The following ELAPOR2 variants were observed in gnomAD, a reference collection of about 807,000 sequenced individuals.
ELAPOR2 encodes the protein endosome-lysosome associated apoptosis and autophagy regulator family member 2.
In ELAPOR2, 89 loss-of-function variants were observed where a neutral mutation model predicts 120.7. That is an observed-to-expected ratio of 0.74 (90% CI 0.62 to 0.88). ELAPOR2 has a LOEUF of 0.88. ELAPOR2 is among the 40% of genes least tolerant of loss of function. The probability of loss-of-function intolerance (pLI) is 0.00; values close to 1 mark genes in which losing one functional copy is unlikely to be tolerated. For synonymous variants in ELAPOR2, 444 were observed against 444.9 expected, an observed-to-expected ratio of 1.00 and a Z score of 0.03; for missense variants, 1,134 against 1,251.6, an observed-to-expected ratio of 0.91 and a Z score of 1.42.
chr7:86,999,971 A>C (rs1181155574), intron 1 of ELAPOR2, among the ~76,000 whole-genome samples: 1 of 152,268 alleles, frequency 6.6e-6, no homozygotes, highest in Non-Finnish European at 1.5e-5. Context: ...AAACAGTGCC[A>C]TATGGAGCCC....
intron 8 of ELAPOR2, among the ~76,000 whole-genome samples, chr7:86,929,088 T>C (rs1263738846): frequency 6.6e-6 from 1 of 151,866 alleles, no homozygotes; most frequent in Non-Finnish European, 1.5e-5. Flanking sequence ...CAGTTTATTA[T>C]TAAGATTACA....
At chr7:86,992,236 C>T (rs59739567) in intron 1 of ELAPOR2, among the ~76,000 whole-genome samples, 2,721 of 152,126 alleles carry the variant, frequency 0.018, 80 homozygotes, top group African/African-American at 0.063. Flanking sequence ...GACACCCAAC[C>T]CCCAACCTGG....
chr7:87,042,132 A>G (rs1376959109), intron 1 of ELAPOR2, among the ~76,000 whole-genome samples: 1 of 149,920 alleles, frequency 6.7e-6, no homozygotes, highest in East Asian at 1.9e-4. Flanking sequence ...TGACCTACAA[A>G]GAGACTTAGA....
chr7:86,964,685 A>T (rs1791839554), intron 2 of ELAPOR2, among the ~76,000 whole-genome samples: 1 of 152,212 alleles, frequency 6.6e-6, no homozygotes, highest in Non-Finnish European at 1.5e-5. Context: ...GATTTTAAAA[A>T]AAAATAATAA....
chr7:86,959,474 C>A (rs1791618206), intron 2 of ELAPOR2, among the ~76,000 whole-genome samples: 1 of 152,152 alleles, frequency 6.6e-6, no homozygotes. Flanking sequence ...TCCTATATGG[C>A]CTTTACTGTG....
intron 1 of ELAPOR2, among the ~76,000 whole-genome samples, chr7:87,025,502 A>C (rs1259196316): frequency 1.3e-5 from 2 of 152,154 alleles, no homozygotes; most frequent in East Asian, 3.8e-4. Flanking sequence ...TACTCAGGTC[A>C]CACAATTAAT....
intron 1 of ELAPOR2, among the ~76,000 whole-genome samples, chr7:86,996,826 A>G (rs938338604): frequency 5.9e-5 from 9 of 152,150 alleles, no homozygotes; most frequent in Non-Finnish European, 8.8e-5. Context: ...CCTTCCTCCC[A>G]TGCCTGGCAA....
intron 19 of ELAPOR2, among the ~76,000 whole-genome samples, chr7:86,896,880 C>T (rs1788461372): frequency 6.6e-6 from 1 of 151,988 alleles, no homozygotes; most frequent in Non-Finnish European, 1.5e-5. Flanking sequence ...AATAAACTAA[C>T]AAAATCAAAC....
In ELAPOR2 at chr7:86,985,177, C is replaced by A. The variant is rs371379540; in HGVS notation, c.190-20153G>T. On this transcript the variant is annotated intron_variant, in intron 1 of 21. Coordinates refer to ENST00000450689, the MANE Select transcript of ELAPOR2 (RefSeq NM_001142749.3). ...AATCTCTGAATAGACCAATAACAGG[C>A]TCTGAAATTGAGGCAATAATTAATG... Among the ~76,000 whole-genome samples, 12 of 152,268 alleles carry A rather than the reference C, an allele frequency of 7.9e-5. No homozygotes were observed. The East Asian group carries it at 9.6e-4, about 12-fold the overall frequency.
chr7:86,919,383 T>C, intron 10 of ELAPOR2, 73 bp from the exon 11 acceptor site: 1 of 850,604 alleles, frequency 1.2e-6, no homozygotes, highest in Non-Finnish European at 1.8e-6. Flanking sequence ...TTAAATAAGG[T>C]AAAAATAAAA....
intron 1 of ELAPOR2, among the ~76,000 whole-genome samples, chr7:87,011,249 CAAAAAAAA>C (rs772971682): frequency 3.8e-5 from 2 of 52,970 alleles, no homozygotes; most frequent in Middle Eastern, 9.3e-3. Flanking sequence ...GACTCCATCT[CAAAAAAAA>C]AAAAAAAAAA....
chr7:86,914,785 T>G lies in ELAPOR2; in HGVS notation c.1669A>C (p.Ile557Leu). 6.2e-7 allele frequency: 1 copy of G among 1,612,906 alleles called. No individual in the cohort carries two copies. The highest frequency in any genetic ancestry group is 8.5e-7 in the Non-Finnish European group (1 of 1,179,238). Residue 557 changes from isoleucine to leucine, a missense_variant, in exon 13 of 22, where the codon ATC becomes CTC. Around this residue, in one of 3 missense-constraint regions of ELAPOR2, gnomAD observed 831 missense variants for 867.6 expected, o/e 0.96. Transcript: ENST00000450689. ...TKEKQAYTHIIFKNATFTFTW... is the reference protein window; with the variant it reads ...TKEKQAYTHILFKNATFTFTW... ...AATGTAAAAGTTGCATTCTTGAAGA[T>G]GATATGGGTGTAAGCTTGTTTTTCT...
intron 1 of ELAPOR2, among the ~76,000 whole-genome samples, chr7:86,985,062 C>G (rs2116571596): frequency 6.6e-6 from 1 of 152,070 alleles, no homozygotes; most frequent in African/African-American, 2.4e-5. Context: ...AACACCTGTA[C>G]ACAAAAAAAC....
intron 1 of ELAPOR2, among the ~76,000 whole-genome samples, chr7:87,040,116 T>C (rs1794725982): frequency 6.6e-6 from 1 of 151,990 alleles, no homozygotes; most frequent in African/African-American, 2.4e-5. Context: ...GCTCGGAGGG[T>C]CCTACGCCCA....
chr7:86,923,831 A>AT (rs1199310028), intron 10 of ELAPOR2, among the ~76,000 whole-genome samples: 2 of 152,104 alleles, frequency 1.3e-5, no homozygotes, highest in Admixed American at 1.3e-4. Context: ...ATCTTCATGA[A>AT]TAAAAACTAC....
chr7:86,959,301 A>C (rs995987612), intron 2 of ELAPOR2, among the ~76,000 whole-genome samples: 2 of 152,130 alleles, frequency 1.3e-5, no homozygotes, highest in Non-Finnish European at 2.9e-5. Context: ...TCTGATTCGT[A>C]TGCCTTTTAT....
At chr7:86,951,510 A>G (rs1791244485) in intron 2 of ELAPOR2, among the ~76,000 whole-genome samples, 1 of 152,248 alleles carries the variant, frequency 6.6e-6, no homozygotes, top group Non-Finnish European at 1.5e-5. Context: ...TTTCTTTCCC[A>G]AGTGTTTCCA....
chr7:86,905,203 AG>A (rs1788950097), intron 18 of ELAPOR2, among the ~76,000 whole-genome samples: 1 of 151,380 alleles, frequency 6.6e-6, no homozygotes, highest in African/African-American at 2.4e-5. Context: ...AGAGAGAGAG[AG>A]AAAGAGAGAG....
At position 86,907,737 on chromosome 7, in the gene ELAPOR2, G is replaced by A. The variant is rs368927000; in HGVS notation, c.2491C>T (p.Arg831Ter). 3.8e-6 allele frequency: 6 copies of A among 1,572,862 alleles called. No homozygotes were observed. Among genetic ancestry groups the A allele is most frequent in the Non-Finnish European group, 3.4e-6 (4 of 1,166,904 alleles). Residue 831 changes from arginine to a stop codon, truncating the protein, a stop_gained, in exon 18 of 22, where the codon CGA becomes TGA. Coordinates refer to ENST00000450689, the MANE Select transcript of ELAPOR2 (RefSeq NM_001142749.3). LOFTEE classifies it high-confidence loss of function. ...CACCTCATTTTCACAGCAGTTGATCGGCCATTAATACAAGATGTTGTTGCT... is the reference window on the plus strand; with the variant it reads ...CACCTCATTTTCACAGCAGTTGATCAGCCATTAATACAAGATGTTGTTGCT... The part of the protein sequence containing the change: ...STATTSCING[R>*]STAVKMRCNP...
Sources: gnomAD v4.1 joint callset for allele counts (sites outside exome capture counted in the v4.1 genomes callset) on GRCh38, gnomAD v4.1.1 for gene constraint, gnomAD v4.1.1 regional missense constraint, MANE v1.5 for transcripts, NCBI Gene and HGNC (gene_info 2026-07-23, HGNC 2026-07-21) for gene names.